Variants in AQP7B observed in about 807,000 individuals in gnomAD.
The protein encoded by AQP7B is putative aquaporin-7B.
chr2:94,601,300 C>T, the AQP7B span, among the ~76,000 whole-genome samples: 8 of 152,236 alleles, frequency 5.3e-5, no homozygotes, highest in African/African-American at 1.7e-4. Context: ...GCTCGGCCAA[C>T]GGGGATGGGG....
the AQP7B span, among the ~76,000 whole-genome samples, chr2:94,592,877 G>T: frequency 3.4e-3 from 432 of 128,356 alleles, 2 homozygotes; most frequent in South Asian, 0.027. Flanking sequence ...ACGCTGGAGT[G>T]CAGTGGTGTG....
chr2:94,602,626 C>T, the AQP7B span: 11 of 1,581,824 alleles, frequency 7.0e-6, no homozygotes, highest in South Asian at 2.2e-5. Context: ...GTGAGTGAGC[C>T]CAGGGCCTAC....
chr2:94,600,876 C>CAAAA, the AQP7B span, among the ~76,000 whole-genome samples: 1 of 84,592 alleles, frequency 1.2e-5, no homozygotes, highest in Non-Finnish European at 2.6e-5. Context: ...AAGACTGTCT[C>CAAAA]AAAAAAAAAA....
At chr2:94,601,499 A>G in the AQP7B span, among the ~76,000 whole-genome samples, 1 of 152,242 alleles carries the variant, frequency 6.6e-6, no homozygotes, top group African/African-American at 2.4e-5. Context: ...CATGCCTGAA[A>G]AGACCTTTGG....
chr2:94,594,500 C>G, the AQP7B span, among the ~76,000 whole-genome samples: 2 of 152,216 alleles, frequency 1.3e-5, no homozygotes, highest in African/African-American at 4.8e-5. Context: ...ATTGGTGTGC[C>G]ATTTTTACTG....
the AQP7B span, among the ~76,000 whole-genome samples, chr2:94,596,866 A>T: frequency 1.3e-5 from 2 of 151,918 alleles, no homozygotes; most frequent in Admixed American, 6.6e-5. Flanking sequence ...TGCTCAGCTA[A>T]TTTTTCTATT....
chr2:94,598,696 G>C, the AQP7B span, among the ~76,000 whole-genome samples: 5 of 152,220 alleles, frequency 3.3e-5, no homozygotes, highest in Non-Finnish European at 7.3e-5. Context: ...TCAAAACCAA[G>C]TTATCTAAAC....
At chr2:94,603,508 G>A in the AQP7B span, 1 of 1,605,872 alleles carries the variant, frequency 6.2e-7, no homozygotes, top group Non-Finnish European at 8.5e-7. Context: ...TGAGGTCAGT[G>A]GTCCAGGATG....
the AQP7B span, chr2:94,594,642 G>A: frequency 1.3e-6 from 1 of 760,530 alleles, no homozygotes; most frequent in Non-Finnish European, 2.3e-6. Context: ...GTGTGGCGAG[G>A]CTGCTGGGTT....
the AQP7B span, among the ~76,000 whole-genome samples, chr2:94,602,879 A>AACGAAGAT: frequency 6.6e-6 from 1 of 152,174 alleles, no homozygotes; most frequent in Non-Finnish European, 1.5e-5. Flanking sequence ...TTAAGAGTGA[A>AACGAAGAT]GGTGGCCCCT....
At chr2:94,597,551 C>G in the AQP7B span, among the ~76,000 whole-genome samples, 1 of 151,972 alleles carries the variant, frequency 6.6e-6, no homozygotes, top group East Asian at 1.9e-4. Context: ...AAGCCTTTTG[C>G]CCAAGGTCAC....
chr2:94,603,985 TTGAGGGG>T, the AQP7B span: 1 of 1,023,542 alleles, frequency 9.8e-7, no homozygotes. Flanking sequence ...CTCCTGTGTG[TTGAGGGG>T]TGGGGGGTGA....
At chr2:94,591,058 C>T in the AQP7B span, among the ~76,000 whole-genome samples, 1 of 151,632 alleles carries the variant, frequency 6.6e-6, no homozygotes, top group East Asian at 1.9e-4. Context: ...GGTTGGCTGT[C>T]AGTTTCTTGC....
At chr2:94,595,508 C>T in the AQP7B span, among the ~76,000 whole-genome samples, 8 of 151,906 alleles carry the variant, frequency 5.3e-5, no homozygotes, top group African/African-American at 1.9e-4. Context: ...GATAATGAAT[C>T]TGGAGGGCAA....
the AQP7B span, among the ~76,000 whole-genome samples, chr2:94,588,772 T>C: frequency 4.6e-5 from 7 of 151,200 alleles, no homozygotes; most frequent in Admixed American, 1.3e-4. Context: ...AATACTTGGA[T>C]GAGGGTCAAG....
At chr2:94,602,727 CCA>C in the AQP7B span, 1 of 1,161,524 alleles carries the variant, frequency 8.6e-7, no homozygotes, top group Non-Finnish European at 1.2e-6. Flanking sequence ...CTCAGCCTGG[CCA>C]CCGGGCAGGA....
chr2:94,588,062 CTGTGTG>C, the AQP7B span, among the ~76,000 whole-genome samples: 2 of 148,644 alleles, frequency 1.3e-5, no homozygotes, highest in African/African-American at 4.9e-5. Flanking sequence ...TGTTCACCTT[CTGTGTG>C]TGTGTGTGTG....
chr2:94,594,739 C>G, the AQP7B span: 1 of 1,558,144 alleles, frequency 6.4e-7, no homozygotes, highest in African/African-American at 1.4e-5. Context: ...GGGCCACTGT[C>G]TCAGGTCCAC....
At chr2:94,592,201 A>G in the AQP7B span, among the ~76,000 whole-genome samples, 1 of 151,956 alleles carries the variant, frequency 6.6e-6, no homozygotes, top group Non-Finnish European at 1.5e-5. Flanking sequence ...GTTGGATGGG[A>G]GCCAGTGGAG....
Sources: gnomAD v4.1 joint callset for allele counts (sites outside exome capture counted in the v4.1 genomes callset) on GRCh38, gnomAD v4.1.1 for gene constraint, MANE v1.5 for transcripts, NCBI Gene and HGNC (gene_info 2026-07-23, HGNC 2026-07-21) for gene names.